THSD4: variants seen among roughly 807,000 people sequenced by gnomAD.
THSD4 encodes the protein thrombospondin type-1 domain-containing protein 4.
Under a neutral mutation model 119.0 loss-of-function variants are expected in THSD4, and 69 were observed. That is an observed-to-expected ratio of 0.58 (90% CI 0.48 to 0.71). THSD4 has a LOEUF of 0.71. THSD4 is among the 30% of genes least tolerant of loss of function. The probability of loss-of-function intolerance (pLI) is 0.00; values close to 1 mark genes in which losing one functional copy is unlikely to be tolerated. For synonymous variants in THSD4, 524 were observed against 540.4 expected, an observed-to-expected ratio of 0.97 and a Z score of 0.42; for missense variants, 1,393 against 1,391.1, an observed-to-expected ratio of 1.00 and a Z score of -0.02.
At chr15:71,097,313 C>G (rs1371244519) in intron 1 of THSD4, among the ~76,000 whole-genome samples, 2 of 151,970 alleles carry the variant, frequency 1.3e-5, no homozygotes, top group Admixed American at 1.3e-4. Context: ...GCCTGTAATA[C>G]CAGCACTTTG....
chr15:71,577,361 A>C (rs2049469058), intron 7 of THSD4, among the ~76,000 whole-genome samples: 1 of 152,226 alleles, frequency 6.6e-6, no homozygotes, highest in Non-Finnish European at 1.5e-5. Context: ...GCCAGAAGAC[A>C]GGCTGTTTGC....
At chr15:71,661,087 G>C (rs1027482779) in intron 8 of THSD4, among the ~76,000 whole-genome samples, 1 of 152,212 alleles carries the variant, frequency 6.6e-6, no homozygotes, top group Admixed American at 6.5e-5. Flanking sequence ...GTTCTGTTGG[G>C]ATTTGAGGTG....
chr15:71,494,020 G>C (rs992710794), intron 7 of THSD4, among the ~76,000 whole-genome samples: 5 of 152,122 alleles, frequency 3.3e-5, no homozygotes, highest in African/African-American at 1.2e-4. Context: ...TTACAGCGTC[G>C]CTTTCAGGTG....
rs2054001918 is a variant in THSD4 at position 71,781,777 on chromosome 15, A to G, written c.*4403A>G. On this transcript the variant is annotated 3_prime_UTR_variant, in exon 18 of 18. Coordinates refer to ENST00000261862, the MANE Select transcript of THSD4 (RefSeq NM_024817.3). ...TGGAAGCAGAGGCCGTTTGCCAGGG[A>G]TGCTGGAGAGGGGATTCAAGCATCT... is the stretch of plus-strand genomic sequence containing the variant. 6.6e-6 allele frequency: 1 copy of G among 152,390 alleles called. No homozygotes were observed. Among genetic ancestry groups the G allele is most frequent in the South Asian group, 2.1e-4 (1 of 4,834 alleles). The allele number at this position is 152,390 out of a possible 1,614,324, so 9.4% of individuals were successfully genotyped here.
rs116342213 is a variant in THSD4, at chr15:71,689,557, A to G, written c.1357+28823A>G. 3.0e-3 allele frequency among the ~76,000 whole-genome samples: 460 copies of G among 152,316 alleles called. 3 individuals carry two copies. Among genetic ancestry groups the G allele is most frequent in the African/African-American group, 0.011 (443 of 41,556 alleles). On this transcript the variant is annotated intron_variant, in intron 8 of 17. Coordinates refer to ENST00000261862, the MANE Select transcript of THSD4 (RefSeq NM_024817.3). ...ATAAAATCAGTAACCCACAAAGGAG[A>G]GCCAAGTTCCTCCAGGCTTCACGCC... is the stretch of plus-strand genomic sequence containing the variant.
At position 71,130,280 on chromosome 15, in the gene THSD4, G is replaced by A. The variant is rs576196732; in HGVS notation, c.-79-11169G>A. Among the ~76,000 whole-genome samples, 35 of 152,166 alleles carry A rather than the reference G, an allele frequency of 2.3e-4. No individual in the cohort carries two copies. The South Asian group carries it at 4.4e-3, about 19-fold the overall frequency. On this transcript the variant is annotated intron_variant, in intron 1 of 17. Transcript: ENST00000261862. ...GGTTCATTGCAGCCTTGAGCTCTCC[G>A]GCTCAATCGATCCTCCCACCTCAGC...
intron 14 of THSD4, among the ~76,000 whole-genome samples, chr15:71,753,818 A>C (rs188956030): frequency 6.6e-6 from 1 of 152,242 alleles, no homozygotes; most frequent in East Asian, 1.9e-4. Flanking sequence ...TGGGCTTTTC[A>C]CTGAAGGTGT....
intron 8 of THSD4, among the ~76,000 whole-genome samples, chr15:71,718,943 C>T (rs1214595463): frequency 6.6e-6 from 1 of 152,142 alleles, no homozygotes; most frequent in African/African-American, 2.4e-5. Flanking sequence ...ATGAGCTGTA[C>T]CTTTACAACC....
intron 15 of THSD4, among the ~76,000 whole-genome samples, chr15:71,759,981 C>G (rs963134445): frequency 3.3e-5 from 5 of 152,122 alleles, no homozygotes; most frequent in Non-Finnish European, 7.3e-5. Context: ...ATTCCCTGCC[C>G]TAGGAATTTG....
rs572679279 is a variant in THSD4, at chr15:71,731,309, C to T, written c.1630+92C>T. ...TCTTGTGCATCCACCCTCTGTCTCT[C>T]GGTCAACACAGAGAAAATTGAGGGA... On this transcript the variant is annotated intron_variant, in intron 10 of 17. Coordinates refer to ENST00000261862, the MANE Select transcript of THSD4 (RefSeq NM_024817.3). 10 of 1,259,622 alleles carry T rather than the reference C, an allele frequency of 7.9e-6. No homozygotes were observed. In the South Asian group the frequency reaches 1.0e-4, roughly 13 times the overall value. The allele number at this position is 1,259,622 out of a possible 1,614,324, so 78.0% of individuals were successfully genotyped here. A position where few individuals can be genotyped will look rare whatever the true frequency, so the allele number is the denominator to read the frequency against.
chr15:71,490,308 C>T (rs1218495653), intron 7 of THSD4, among the ~76,000 whole-genome samples: 1 of 152,066 alleles, frequency 6.6e-6, no homozygotes, highest in East Asian at 1.9e-4. Context: ...CACCTGTAAT[C>T]CCAGCACTTT....
At chr15:71,174,031 G>C (rs1208065486) in intron 3 of THSD4, among the ~76,000 whole-genome samples, 3 of 152,156 alleles carry the variant, frequency 2.0e-5, no homozygotes, top group Non-Finnish European at 4.4e-5. Context: ...TTTTGGCAGT[G>C]ATTTCTTGGA....
chr15:71,623,049 A>C (rs2050446936), intron 7 of THSD4, among the ~76,000 whole-genome samples: 1 of 152,142 alleles, frequency 6.6e-6, no homozygotes, highest in Non-Finnish European at 1.5e-5. Context: ...GGTCTCGGTA[A>C]TCAGGAGTCC....
At chr15:71,299,472 G>A (rs1328317879) in intron 6 of THSD4, among the ~76,000 whole-genome samples, 1 of 152,214 alleles carries the variant, frequency 6.6e-6, no homozygotes, top group Non-Finnish European at 1.5e-5. Flanking sequence ...CCAGGCAGAA[G>A]AAGACAAATA....
intron 6 of THSD4, among the ~76,000 whole-genome samples, chr15:71,377,877 C>CACACACACACACACAA (rs2046163798): frequency 1.3e-5 from 1 of 75,642 alleles, no homozygotes; most frequent in Admixed American, 1.4e-4. Flanking sequence ...AACACACACA[C>CACACACACACACACAA]ACACACACAC....
intron 7 of THSD4, among the ~76,000 whole-genome samples, chr15:71,593,624 G>A (rs2140878065): frequency 6.6e-6 from 1 of 152,182 alleles, no homozygotes; most frequent in Middle Eastern, 3.4e-3. Context: ...GCTGGGGAAT[G>A]GTGGCTCACA....
chr15:71,385,582 G>C (rs1596388333), intron 6 of THSD4, among the ~76,000 whole-genome samples: 1 of 4,906 alleles, frequency 2.0e-4, no homozygotes. Flanking sequence ...CTTGGAGTTC[G>C]CTAAAGCGAA....
intron 3 of THSD4, among the ~76,000 whole-genome samples, chr15:71,175,943 AT>A (rs1161743876): frequency 1.5e-5 from 1 of 67,334 alleles, no homozygotes; most frequent in African/African-American, 5.9e-5. Flanking sequence ...ATGCTGAGAG[AT>A]TTTGTCACCA....
intron 8 of THSD4, among the ~76,000 whole-genome samples, chr15:71,689,523 A>G (rs2051999205): frequency 6.6e-6 from 1 of 152,204 alleles, no homozygotes; most frequent in East Asian, 1.9e-4. Flanking sequence ...CTTCCCCCTC[A>G]GTGCTGTCAT....
Sources: allele counts gnomAD v4.1 joint callset (sites outside exome capture counted in the v4.1 genomes callset), GRCh38; gene constraint gnomAD v4.1.1; transcripts MANE v1.5; gene names NCBI Gene and HGNC (gene_info 2026-07-23, HGNC 2026-07-21).